KSR2: variants seen among roughly 807,000 people sequenced by gnomAD.
KSR2 encodes the protein kinase suppressor of ras 2.
Under a neutral mutation model 107.8 loss-of-function variants are expected in KSR2, and 25 were observed. The observed-to-expected ratio is 0.23, with a 90% CI of 0.17 to 0.32. KSR2 has a LOEUF of 0.32. Among genes scored for constraint, KSR2 ranks in the 10% least tolerant of loss-of-function variants. The pLI is 1.00. For synonymous variants in KSR2, 480 were observed against 507.0 expected (o/e 0.95, Z 0.71); for missense variants, 887 against 1,268.9 (o/e 0.70, Z 4.57).
rs1555242304 is a variant in KSR2 at position 117,798,720 on chromosome 12, A to ATATATGT, written c.473-37197_473-37196insACATATA. On this transcript the variant is annotated intron_variant, in intron 3 of 19. Coordinates refer to ENST00000339824, the MANE Select transcript of KSR2 (RefSeq NM_173598.6). ...GTAGGCAAAAAGTCCAAAAAAAAAAAATATATATATATATATCAACCCAAA... is the reference window on the plus strand; with the variant it reads ...GTAGGCAAAAAGTCCAAAAAAAAAAATATATGTATATATATATATATATCAACCCAAA... Among the ~76,000 whole-genome samples, 15 of 120,202 alleles carry ATATATGT rather than the reference A, an allele frequency of 1.2e-4. No homozygotes were observed. The South Asian group carries it at 3.0e-3, about 24-fold the overall frequency. The allele number at this position is 120,202 out of a possible 152,430, so 78.9% of individuals were successfully genotyped here. A position where few individuals can be genotyped will look rare whatever the true frequency, so the allele number is the denominator to read the frequency against.
chr12:117,690,496 C>T (rs1404779516), intron 4 of KSR2, among the ~76,000 whole-genome samples: 3 of 149,526 alleles, frequency 2.0e-5, no homozygotes, highest in East Asian at 4.0e-4. Flanking sequence ...ACCTGGGAGG[C>T]GGAGGTTGCA....
At chr12:117,905,721 T>C (rs1371593656) in intron 1 of KSR2, among the ~76,000 whole-genome samples, 1 of 152,138 alleles carries the variant, frequency 6.6e-6, no homozygotes, top group Non-Finnish European at 1.5e-5. Context: ...TTCAGATCAC[T>C]GCTCTGCCTT....
chr12:117,903,123 A>G (rs1894739199), intron 1 of KSR2, among the ~76,000 whole-genome samples: 1 of 152,226 alleles, frequency 6.6e-6, no homozygotes, highest in African/African-American at 2.4e-5. Flanking sequence ...TTATAAAGTT[A>G]TTTCCATTTG....
chr12:117,966,712 T>C (rs1896808818), intron 1 of KSR2, among the ~76,000 whole-genome samples: 2 of 151,538 alleles, frequency 1.3e-5, no homozygotes, highest in South Asian at 4.2e-4. Flanking sequence ...CTCTCTCTTC[T>C]TTCAAAGGGA....
intron 5 of KSR2, among the ~76,000 whole-genome samples, chr12:117,646,686 AC>A (rs1883661984): frequency 6.6e-6 from 1 of 152,154 alleles, no homozygotes; most frequent in Non-Finnish European, 1.5e-5. Context: ...GAAGGGGCGC[AC>A]CAGCACCCGC....
Position 117,843,122 on chromosome 12 carries a change from T to A in KSR2, c.472+12306A>T, listed in dbSNP as rs78411521. Reference sequence around the variant, plus strand: ...CAGTGTTTATATGACTTCATTTCTTTCCTTGCAACAACTCCATGAGGATGA... The same window carrying A: ...CAGTGTTTATATGACTTCATTTCTTACCTTGCAACAACTCCATGAGGATGA... On this transcript the variant is annotated intron_variant, in intron 3 of 19. Transcript: ENST00000339824. 5.6e-3 allele frequency among the ~76,000 whole-genome samples: 854 copies of A among 152,324 alleles called. 35 individuals carry two copies. In the East Asian group the frequency reaches 0.1, roughly 18 times the overall value.
At position 117,486,774 on chromosome 12, in the gene KSR2, T is replaced by A. The variant is rs372928173; in HGVS notation, c.2220-1083A>T. Among the ~76,000 whole-genome samples the A allele has an allele frequency of 3.3e-5, 5 of 152,250 alleles. No homozygotes were observed. The East Asian group carries it at 9.7e-4, about 29-fold the overall frequency. On this transcript the variant is annotated intron_variant, in intron 14 of 19. Transcript: ENST00000339824. ...TACTTACTGTATGTCTTGAGGTGGG[T>A]TACCTCACCTCTCTGGGCCTCAGTT...
chr12:117,793,907 C>CA, intron 3 of KSR2, among the ~76,000 whole-genome samples: 1 of 142,336 alleles, frequency 7.0e-6, no homozygotes, highest in African/African-American at 2.6e-5. Context: ...AACATGCACA[C>CA]TCACACCAAC....
intron 5 of KSR2, among the ~76,000 whole-genome samples, chr12:117,596,483 C>T (rs769102437): frequency 6.6e-6 from 1 of 152,176 alleles, no homozygotes; most frequent in Non-Finnish European, 1.5e-5. Context: ...CCTGCCATAA[C>T]GCACCAACGA....
At chr12:117,911,203 A>AC (rs1338970296) in intron 1 of KSR2, among the ~76,000 whole-genome samples, 1,566 of 148,198 alleles carry the variant, frequency 0.011, 26 homozygotes, top group African/African-American at 0.036. Context: ...CACACACTCA[A>AC]GAAACAAGAA....
intron 3 of KSR2, among the ~76,000 whole-genome samples, chr12:117,771,533 G>T (rs1889450417): frequency 6.6e-6 from 1 of 152,126 alleles, no homozygotes; most frequent in African/African-American, 2.4e-5. Context: ...AAATTAATGA[G>T]GTCTGTCTCA....
At chr12:117,905,337 T>C (rs1593357179) in intron 1 of KSR2, among the ~76,000 whole-genome samples, 1 of 152,154 alleles carries the variant, frequency 6.6e-6, no homozygotes. Context: ...TAATAATATC[T>C]GGGGAGCCAT....
At chr12:117,513,001 G>A (rs1874128090) in intron 14 of KSR2, among the ~76,000 whole-genome samples, 1 of 152,042 alleles carries the variant, frequency 6.6e-6, no homozygotes, top group African/African-American at 2.4e-5. Context: ...GATTTCTGTA[G>A]TTCACCGCCC....
At chr12:117,505,189 T>C (rs1873603657) in intron 14 of KSR2, among the ~76,000 whole-genome samples, 1 of 152,166 alleles carries the variant, frequency 6.6e-6, no homozygotes, top group Non-Finnish European at 1.5e-5. Flanking sequence ...GTCTTGGCAA[T>C]TGTGAATTGG....
At chr12:117,947,381 A>C (rs1896233828) in intron 1 of KSR2, among the ~76,000 whole-genome samples, 2 of 152,084 alleles carry the variant, frequency 1.3e-5, no homozygotes, top group South Asian at 4.1e-4. Flanking sequence ...CCTTATAGAG[A>C]AAAGAGCATC....
intron 5 of KSR2, among the ~76,000 whole-genome samples, chr12:117,642,966 C>T (rs565045962): frequency 2.0e-5 from 3 of 152,158 alleles, no homozygotes; most frequent in Non-Finnish European, 4.4e-5. Flanking sequence ...TCTGCTCATT[C>T]ATCTACTGAG....
intron 4 of KSR2, among the ~76,000 whole-genome samples, chr12:117,706,011 C>T (rs994463524): frequency 7.1e-6 from 1 of 140,252 alleles, no homozygotes; most frequent in South Asian, 2.5e-4. Flanking sequence ...CTGCCCTGTG[C>T]GGAGTGGTTG....
Position 117,539,796 on chromosome 12 carries a change from G to A in KSR2, c.1610C>T (p.Pro537Leu). Residue 537 changes from proline (P) to leucine (L), a missense_variant, in exon 10 of 20, where the codon CCT (proline) becomes CTT (leucine). By Grantham distance (98) the Pro-to-Leu change is moderately conservative. Coordinates refer to ENST00000339824, the MANE Select transcript of KSR2 (RefSeq NM_173598.6). ...STPSSPAPPL[P>L]PSATPPSPLH... Reference sequence around the variant, plus strand: ...GGGAGAAGGCGGCGTGGCACTAGGAGGGAGGGGGGGTGCTGGCGAGGAGGG... The same window carrying A: ...GGGAGAAGGCGGCGTGGCACTAGGAAGGAGGGGGGGTGCTGGCGAGGAGGG... 1 of 1,607,946 alleles carries A rather than the reference G, an allele frequency of 6.2e-7. No individual in the cohort carries two copies. Among genetic ancestry groups the A allele is most frequent in the Non-Finnish European group, 8.5e-7 (1 of 1,177,930 alleles).
intron 3 of KSR2, among the ~76,000 whole-genome samples, chr12:117,850,687 G>A (rs985477758): frequency 3.3e-5 from 5 of 152,156 alleles, no homozygotes; most frequent in African/African-American, 9.6e-5. Context: ...GCACACGCCT[G>A]TAGTCCTAGC....
Sources: allele counts gnomAD v4.1 joint callset (sites outside exome capture counted in the v4.1 genomes callset), GRCh38; gene constraint gnomAD v4.1.1; transcripts MANE v1.5; gene names NCBI Gene and HGNC (gene_info 2026-07-23, HGNC 2026-07-21).